The following DLG2 variants were observed in gnomAD, a reference collection of about 807,000 sequenced individuals.
DLG2 encodes disks large homolog 2.
Under a neutral mutation model 132.5 loss-of-function variants are expected in DLG2, and 45 were observed. The observed-to-expected ratio is 0.34, with a 90% CI of 0.27 to 0.44. The LOEUF is 0.44. DLG2 is among the 20% of genes least tolerant of loss of function. The pLI is 1.00. For missense variants in DLG2, 1,045 were observed against 1,196.9 expected (o/e 0.87, Z 1.87); for synonymous variants, 424 against 419.6 (o/e 1.01, Z -0.13).
intron 3 of DLG2, among the ~76,000 whole-genome samples, chr11:85,536,214 CAAAAAA>C (rs527811605): frequency 5.2e-5 from 3 of 57,518 alleles, no homozygotes; most frequent in Admixed American, 2.0e-4. Context: ...GACCCTGTCT[CAAAAAA>C]AAAAAAAAAA....
Position 83,965,424 on chromosome 11 carries a change from T to A in DLG2, c.1101A>T (p.Val367=), listed in dbSNP as rs2089955399. The change falls in exon 13 of 28, where the codon GTA becomes GTT. Residue 367 remains valine, a synonymous_variant. Transcript: ENST00000376104. ...SLEEVTHEEA[V]AILKNTSEVV... ...CCTCTGATGTGTTCTTTAATATTGCTACTGCCTCTTCGTGTGTTACTTCTT... is the reference window on the plus strand; with the variant it reads ...CCTCTGATGTGTTCTTTAATATTGCAACTGCCTCTTCGTGTGTTACTTCTT... 6.2e-7 allele frequency: 1 copy of A among 1,611,614 alleles called. No individual in the cohort carries two copies. Among genetic ancestry groups the A allele is most frequent in the African/African-American group, 1.3e-5 (1 of 74,734 alleles).
intron 7 of DLG2, among the ~76,000 whole-genome samples, chr11:84,365,788 G>T (rs2154425592): frequency 6.6e-6 from 1 of 152,162 alleles, no homozygotes; most frequent in Middle Eastern, 3.4e-3. Context: ...TCATTCAGGA[G>T]CAGGTTGTTC....
At position 85,014,541 on chromosome 11, in the gene DLG2, A is replaced by T. The variant is rs79907171; in HGVS notation, c.357+97120T>A. 5.4e-3 allele frequency among the ~76,000 whole-genome samples: 823 copies of T among 152,264 alleles called. 5 individuals are homozygous for T. The highest frequency in any genetic ancestry group is 0.018 in the African/African-American group (761 of 41,540). ...CTCTTTACTATAGAGGGAGGGTTAC[A>T]TGCATCCCTTTCTCCTCCATATTTC... On this transcript the variant is annotated intron_variant, in intron 6 of 27. Transcript: ENST00000376104.
chr11:83,553,376 T>G (rs1483285398), intron 19 of DLG2, among the ~76,000 whole-genome samples: 2 of 152,130 alleles, frequency 1.3e-5, no homozygotes, highest in African/African-American at 2.4e-5. Context: ...ACAACCTAGA[T>G]TCAATAAAAC....
chr11:84,693,392 G>A (rs778815935), intron 6 of DLG2, among the ~76,000 whole-genome samples: 1 of 151,732 alleles, frequency 6.6e-6, no homozygotes, highest in Non-Finnish European at 1.5e-5. Context: ...GTGTTGTCAT[G>A]TAATGACATG....
At chr11:83,742,587 C>A (rs1292074138) in intron 18 of DLG2, among the ~76,000 whole-genome samples, 1 of 152,048 alleles carries the variant, frequency 6.6e-6, no homozygotes, top group Non-Finnish European at 1.5e-5. Context: ...CTCTTTATTT[C>A]CTCTTTTGAA....
At chr11:85,149,851 GC>G (rs948192175) in intron 5 of DLG2, among the ~76,000 whole-genome samples, 1 of 151,962 alleles carries the variant, frequency 6.6e-6, no homozygotes, top group Non-Finnish European at 1.5e-5. Context: ...AGGCTTTCCA[GC>G]AGATGACAGA....
chr11:85,533,344 A>G (rs895041733), intron 3 of DLG2, among the ~76,000 whole-genome samples: 2 of 151,172 alleles, frequency 1.3e-5, no homozygotes, highest in Admixed American at 1.3e-4. Flanking sequence ...TTTTATTGTG[A>G]TTTTTTTTAA....
intron 3 of DLG2, among the ~76,000 whole-genome samples, chr11:85,433,506 A>T (rs938402234): frequency 2.6e-5 from 4 of 151,950 alleles, no homozygotes; most frequent in African/African-American, 9.7e-5. Flanking sequence ...AAAAGCAGAG[A>T]CTAGTTTTGT....
At chr11:85,271,776 G>T (rs1367799446) in intron 4 of DLG2, among the ~76,000 whole-genome samples, 2 of 152,170 alleles carry the variant, frequency 1.3e-5, no homozygotes, top group African/African-American at 4.8e-5. Flanking sequence ...TCTCCCATTT[G>T]GAACAAGTAT....
In DLG2 at chr11:84,882,509, G is replaced by A. The variant is rs144028768; in HGVS notation, c.357+229152C>T. 8.7e-4 allele frequency among the ~76,000 whole-genome samples: 133 copies of A among 152,170 alleles called. 4 individuals are homozygous for A. The East Asian group carries it at 0.024, about 27-fold the overall frequency. ...CTGATAGGGTCATTTGCAAAATGTA[G>A]TAGGAAGAATCAGAGGAGAGTTAGA... On this transcript the variant is annotated intron_variant, in intron 6 of 27. Transcript: ENST00000376104.
In DLG2 at chr11:84,858,479, T is replaced by G. The variant is rs375569078; in HGVS notation, c.357+253182A>C. ...CAAAGATTTGGTTAAAATAAAGCATTGAGGACCTTACCAGAGCTCTCTTCT... is the reference window on the plus strand; with the variant it reads ...CAAAGATTTGGTTAAAATAAAGCATGGAGGACCTTACCAGAGCTCTCTTCT... On this transcript the variant is annotated intron_variant, in intron 6 of 27. Transcript: ENST00000376104. Among the ~76,000 whole-genome samples the G allele has an allele frequency of 4.6e-5, 7 of 152,194 alleles. No homozygotes were observed. The East Asian group carries it at 1.4e-3, about 30-fold the overall frequency.
chr11:84,056,057 TGTTAA>T (rs1303594699), intron 11 of DLG2, among the ~76,000 whole-genome samples: 2 of 152,032 alleles, frequency 1.3e-5, no homozygotes, highest in African/African-American at 4.8e-5. Context: ...ACTATGCACA[TGTTAA>T]GTTTTTTTTT....
chr11:84,050,876 C>T (rs773390849), intron 11 of DLG2, among the ~76,000 whole-genome samples: 6 of 151,976 alleles, frequency 3.9e-5, no homozygotes, highest in African/African-American at 9.6e-5. Context: ...CATTGGTCTA[C>T]ATCTCTGTTT....
At chr11:84,519,050 A>G (rs1359456362) in intron 7 of DLG2, among the ~76,000 whole-genome samples, 2 of 152,146 alleles carry the variant, frequency 1.3e-5, no homozygotes, top group African/African-American at 4.8e-5. Flanking sequence ...TTGCAGGCTG[A>G]TTTATAAGCA....
Position 84,050,108 on chromosome 11 carries a change from G to C in DLG2, c.919+9207C>G, listed in dbSNP as rs187544712. 2.7e-5 allele frequency among the ~76,000 whole-genome samples: 4 copies of C among 150,874 alleles called. No homozygotes were observed. In the East Asian group the frequency reaches 7.9e-4, roughly 30 times the overall value. On this transcript the variant is annotated intron_variant, in intron 11 of 27. Coordinates refer to ENST00000376104, the MANE Select transcript of DLG2 (RefSeq NM_001142699.3). Reference sequence around the variant, plus strand: ...GTGGCTGGAGGAGAAAGAGATCACAGAGTGCCTAAAATGCTACTTACTGGC... The same window carrying C: ...GTGGCTGGAGGAGAAAGAGATCACACAGTGCCTAAAATGCTACTTACTGGC...
intron 11 of DLG2, among the ~76,000 whole-genome samples, chr11:84,032,037 G>T (rs2095710636): frequency 6.6e-6 from 1 of 152,092 alleles, no homozygotes; most frequent in Admixed American, 6.6e-5. Context: ...AAATGTGTGT[G>T]TTCTTACTCT....
intron 7 of DLG2, among the ~76,000 whole-genome samples, chr11:84,466,649 C>G (rs1326764446): frequency 6.6e-6 from 1 of 151,314 alleles, no homozygotes; most frequent in Non-Finnish European, 1.5e-5. Flanking sequence ...CAAGAAGCAG[C>G]AGGAATTCTC....
At chr11:85,247,910 C>A (rs1161320280) in intron 4 of DLG2, among the ~76,000 whole-genome samples, 1 of 151,938 alleles carries the variant, frequency 6.6e-6, no homozygotes, top group African/African-American at 2.4e-5. Flanking sequence ...TGCTTTGGTC[C>A]CCTTCCAAAT....
Sources: allele counts gnomAD v4.1 joint callset (sites outside exome capture counted in the v4.1 genomes callset), GRCh38; gene constraint gnomAD v4.1.1; transcripts MANE v1.5; gene names NCBI Gene and HGNC (gene_info 2026-07-23, HGNC 2026-07-21).